NPSR1: variants seen among roughly 807,000 people sequenced by gnomAD.
The protein encoded by NPSR1 is neuropeptide S receptor 1, also known as neuropeptide S receptor.
A neutral mutation model predicts 46.9 loss-of-function variants in NPSR1; 48 were observed. That is an observed-to-expected ratio of 1.02 (90% CI 0.81 to 1.30). The LOEUF (loss-of-function observed/expected upper bound fraction) is 1.30. NPSR1 is among the 50% of genes most tolerant of loss of function. The pLI, the probability that NPSR1 is intolerant of heterozygous loss-of-function variation, is 0.00. For missense variants in NPSR1, 450 were observed against 449.5 expected (o/e 1.00, Z -0.01); for synonymous variants, 176 against 168.1 (o/e 1.05, Z -0.36).
intron 2 of NPSR1, among the ~76,000 whole-genome samples, chr7:34,747,391 G>T (rs544787358): frequency 6.6e-6 from 1 of 152,118 alleles, no homozygotes; most frequent in Non-Finnish European, 1.5e-5. Flanking sequence ...CCACTTGTGG[G>T]TCTCTGCACC....
Position 34,849,919 on chromosome 7 carries a change from G to C in NPSR1, c.*264G>C, listed in dbSNP as rs931015765. The C allele has an allele frequency of 1.6e-6, 2 of 1,234,090 alleles. No homozygotes were observed. Among genetic ancestry groups the C allele is most frequent in the African/African-American group, 3.1e-5 (2 of 65,070 alleles). 76.4% of individuals were successfully genotyped at this position (1,234,090 alleles called of 1,614,324 possible). ...CCCTCCTTCCCACTGGCCAGCACCT[G>C]AACCCAGTGAACACAGGCATTAGTG... On this transcript the variant is annotated 3_prime_UTR_variant, in exon 9 of 9. Coordinates refer to ENST00000360581, the MANE Select transcript of NPSR1 (RefSeq NM_207172.2).
chr7:34,704,446 T>C (rs17197425), intron 2 of NPSR1, among the ~76,000 whole-genome samples: 4,774 of 152,308 alleles, frequency 0.031, 115 homozygotes, highest in Non-Finnish European at 0.047. Context: ...TATTGCCTTG[T>C]AGTCAAGGAA....
Position 34,658,352 on chromosome 7 carries a change from A to G in NPSR1, c.-61A>G. ...GCTGCTGCCCAGCTCTCAGGAGGCA[A>G]GCTGGACTCCCTCACTCAGCTGCAG... is the stretch of plus-strand genomic sequence containing the variant. On this transcript the variant is annotated 5_prime_UTR_variant, in exon 1 of 9. Transcript: ENST00000360581. 6.3e-7 allele frequency: 1 copy of G among 1,593,146 alleles called. No individual in the cohort carries two copies. The highest frequency in any genetic ancestry group is 1.7e-5 in the Admixed American group (1 of 59,132).
chr7:34,798,178 C>A (rs1375747001), intron 3 of NPSR1, among the ~76,000 whole-genome samples: 1 of 152,100 alleles, frequency 6.6e-6, no homozygotes, highest in East Asian at 1.9e-4. Flanking sequence ...ACAAAAATAG[C>A]AATAATGCAT....
intron 6 of NPSR1, among the ~76,000 whole-genome samples, chr7:34,836,626 GAAGA>G (rs1351601469): frequency 2.2e-4 from 31 of 142,776 alleles, no homozygotes; most frequent in Middle Eastern, 7.6e-3. Flanking sequence ...GGAAAGAAAA[GAAGA>G]AAGAAAGAAA....
intron 2 of NPSR1, among the ~76,000 whole-genome samples, chr7:34,762,681 A>G (rs936254939): frequency 6.6e-6 from 1 of 152,240 alleles, no homozygotes; most frequent in African/African-American, 2.4e-5. Flanking sequence ...AGCTGGAAGC[A>G]TTGCATACTC....
intron 2 of NPSR1, chr7:34,750,451 A>T: frequency 1.4e-6 from 1 of 740,490 alleles, no homozygotes; most frequent in Non-Finnish European, 2.5e-6. Context: ...TGACGAAGTC[A>T]TTGTCTGAGG....
rs1035153531 is a variant in NPSR1 at position 34,711,943 on chromosome 7, C to T, written c.280+27259C>T. Among the ~76,000 whole-genome samples the T allele has an allele frequency of 2.6e-5, 4 of 152,328 alleles. No individual in the cohort carries two copies. The East Asian group carries it at 7.7e-4, about 29-fold the overall frequency. ...AAAGATGGCTGGGTCTGTCTCTAAC[C>T]AATTAGAATCTCTGAAGGTGGGACC... On this transcript the variant is annotated intron_variant, in intron 2 of 8. Transcript: ENST00000360581.
At chr7:34,796,346 A>G (rs892045105) in intron 3 of NPSR1, among the ~76,000 whole-genome samples, 3 of 152,178 alleles carry the variant, frequency 2.0e-5, no homozygotes, top group African/African-American at 7.2e-5. Flanking sequence ...GCATTTATTA[A>G]AATTAAAATT....
chr7:34,704,582 T>A (rs1794006335), intron 2 of NPSR1, among the ~76,000 whole-genome samples: 1 of 152,204 alleles, frequency 6.6e-6, no homozygotes, highest in Non-Finnish European at 1.5e-5. Flanking sequence ...TGCTGTGGAA[T>A]TAAACAAAGA....
rs556378640 is a variant in NPSR1 at position 34,665,362 on chromosome 7, A to C, written c.147+6803A>C. On this transcript the variant is annotated intron_variant, in intron 1 of 8. Transcript: ENST00000360581. The stretch of plus-strand genomic sequence containing the variant: ...TGAAATGACACATGACTTTGACTGA[A>C]TTCCATTGGCAAGAATTAATTACCT... 7.2e-5 allele frequency among the ~76,000 whole-genome samples: 11 copies of C among 152,300 alleles called. No homozygotes were observed. The East Asian group carries it at 1.9e-3, about 27-fold the overall frequency.
chr7:34,809,255 T>A (rs1788863931), intron 3 of NPSR1, among the ~76,000 whole-genome samples: 1 of 152,094 alleles, frequency 6.6e-6, no homozygotes, highest in African/African-American at 2.4e-5. Context: ...TTCTTAAAGC[T>A]AGTCTTCCAT....
intron 2 of NPSR1, among the ~76,000 whole-genome samples, chr7:34,756,184 C>T (rs1004825458): frequency 3.7e-4 from 56 of 152,218 alleles, no homozygotes; most frequent in Admixed American, 3.5e-3. Flanking sequence ...CTCCCCACCG[C>T]CCCCCTACTT....
At chr7:34,700,946 T>G (rs1793796549) in intron 2 of NPSR1, among the ~76,000 whole-genome samples, 1 of 152,246 alleles carries the variant, frequency 6.6e-6, no homozygotes, top group African/African-American at 2.4e-5. Flanking sequence ...ATGATTAATT[T>G]AAACTCCTTC....
intron 6 of NPSR1, among the ~76,000 whole-genome samples, chr7:34,835,522 C>A (rs979136822): frequency 6.6e-6 from 1 of 152,186 alleles, no homozygotes; most frequent in South Asian, 2.1e-4. Flanking sequence ...AGACTGTGAG[C>A]TAAACTTTTG....
intron 2 of NPSR1, among the ~76,000 whole-genome samples, chr7:34,753,019 A>G (rs1785620595): frequency 6.6e-6 from 1 of 152,234 alleles, no homozygotes; most frequent in African/African-American, 2.4e-5. Context: ...GAAGATAGGA[A>G]TGGAGTTTCC....
At chr7:34,715,271 G>T (rs907376208) in intron 2 of NPSR1, among the ~76,000 whole-genome samples, 3 of 152,206 alleles carry the variant, frequency 2.0e-5, no homozygotes, top group African/African-American at 7.2e-5. Flanking sequence ...AGCCAGCATT[G>T]CTCTGGAACT....
intron 4 of NPSR1, among the ~76,000 whole-genome samples, chr7:34,819,101 G>A (rs1360321934): frequency 6.6e-6 from 1 of 152,152 alleles, no homozygotes; most frequent in Non-Finnish European, 1.5e-5. Flanking sequence ...CTTCTGCACA[G>A]CAAAAGAAAC....
chr7:34,750,927 G>T (rs35514564), intron 2 of NPSR1: 3 of 742,804 alleles, frequency 4.0e-6, no homozygotes, highest in Non-Finnish European at 7.5e-6. Flanking sequence ...CCCCAGCTCG[G>T]GGTCTGACAG....
Sources: gnomAD v4.1 joint callset for allele counts (sites outside exome capture counted in the v4.1 genomes callset) on GRCh38, gnomAD v4.1.1 for gene constraint, MANE v1.5 for transcripts, NCBI Gene and HGNC (gene_info 2026-07-23, HGNC 2026-07-21) for gene names.